RAB27A: variants seen among roughly 807,000 people sequenced by gnomAD.
RAB27A encodes ras-related protein Rab-27A.
In RAB27A, 17 loss-of-function variants were observed where a neutral mutation model predicts 20.8. The observed-to-expected ratio is 0.82, with a 90% CI of 0.56 to 1.23. The LOEUF (loss-of-function observed/expected upper bound fraction) is 1.23. Ranked by LOEUF, RAB27A falls within the 50% of genes most tolerant of loss-of-function variation. The pLI, the probability that RAB27A is intolerant of heterozygous loss-of-function variation, is 0.00. For missense variants in RAB27A, 277 were observed against 266.7 expected, an observed-to-expected ratio of 1.04 and a Z score of -0.27; for synonymous variants, 85 against 92.8, an observed-to-expected ratio of 0.92 and a Z score of 0.48.
intron 1 of RAB27A, among the ~76,000 whole-genome samples, chr15:55,283,462 C>T (rs1243683382): frequency 6.6e-6 from 1 of 152,186 alleles, no homozygotes; most frequent in African/African-American, 2.4e-5. Flanking sequence ...CCACAACCCA[C>T]TTCACTACAC....
At chr15:55,245,464 G>C (rs1445727912) in intron 2 of RAB27A, among the ~76,000 whole-genome samples, 2 of 152,176 alleles carry the variant, frequency 1.3e-5, no homozygotes, top group African/African-American at 4.8e-5. Flanking sequence ...TAAAAGATGA[G>C]TTTGATTTTA....
intron 1 of RAB27A, among the ~76,000 whole-genome samples, chr15:55,277,845 G>A (rs572877096): frequency 6.6e-6 from 1 of 152,176 alleles, no homozygotes; most frequent in Admixed American, 6.5e-5. Context: ...CCAGTTTAGT[G>A]GGGACTGAGT....
chr15:55,226,395 A>G (rs2414404), intron 5 of RAB27A, among the ~76,000 whole-genome samples: 6,838 of 152,116 alleles, frequency 0.045, 521 homozygotes, highest in African/African-American at 0.16. Flanking sequence ...GAGCAAAGGG[A>G]AAGGGGAGGG....
At chr15:55,250,936 G>A (rs1199530148) in intron 2 of RAB27A, among the ~76,000 whole-genome samples, 1 of 152,178 alleles carries the variant, frequency 6.6e-6, no homozygotes, top group Non-Finnish European at 1.5e-5. Flanking sequence ...GCAGCAGAGT[G>A]ATATTCTAAT....
intron 2 of RAB27A, among the ~76,000 whole-genome samples, chr15:55,300,603 C>T (rs546272108): frequency 1.3e-5 from 2 of 152,174 alleles, no homozygotes; most frequent in African/African-American, 2.4e-5. Context: ...CGCTTGAACC[C>T]GGGAGGTGGA....
intron 1 of RAB27A, 88 bp from the exon 2 acceptor site, chr15:55,270,372 C>G (rs1034757127): frequency 2.0e-5 from 3 of 152,156 alleles, no homozygotes; most frequent in Non-Finnish European, 4.4e-5. Flanking sequence ...CAGTTCGCTC[C>G]ATCAACTTTC....
chr15:55,246,585 C>A (rs1896695238), intron 2 of RAB27A, among the ~76,000 whole-genome samples: 1 of 151,008 alleles, frequency 6.6e-6, no homozygotes, highest in Non-Finnish European at 1.5e-5. Context: ...TGACAAGTAC[C>A]CCTTGCTCCA....
chr15:55,248,889 CAT>C (rs1037396430), intron 2 of RAB27A: 3 of 150,880 alleles, frequency 2.0e-5, no homozygotes, highest in Admixed American at 6.5e-5. Context: ...ATTTACAACA[CAT>C]GTTTAAATGT....
At chr15:55,303,839 G>T (rs1374663705) in intron 2 of RAB27A, among the ~76,000 whole-genome samples, 6 of 136,306 alleles carry the variant, frequency 4.4e-5, no homozygotes, top group Non-Finnish European at 9.4e-5. Flanking sequence ...AGGGAGGTGG[G>T]GGGGGTCAGC....
rs368212830 is a variant in RAB27A at position 55,205,078 on chromosome 15, G to A, written c.*429C>T. On this transcript the variant is annotated 3_prime_UTR_variant, in exon 7 of 7. Transcript: ENST00000336787. The stretch of plus-strand genomic sequence containing the variant: ...TATTTTAGAATGTCACCTATGGCAT[G>A]AGTCTTCAAATCTGGATTGAAGACT... 28 of 213,998 alleles carry A rather than the reference G, an allele frequency of 1.3e-4. No homozygotes were observed. The East Asian group carries it at 2.7e-3, about 21-fold the overall frequency. 13.3% of individuals were successfully genotyped at this position (213,998 alleles called of 1,614,324 possible).
intron 2 of RAB27A, among the ~76,000 whole-genome samples, chr15:55,306,785 G>A (rs938532896): frequency 3.9e-5 from 6 of 152,190 alleles, no homozygotes; most frequent in Non-Finnish European, 8.8e-5. Flanking sequence ...CGCTTGGTAA[G>A]GGGAGCTACT....
upstream of RAB27A, among the ~76,000 whole-genome samples, chr15:55,293,224 A>G (rs2054932343): frequency 6.6e-6 from 1 of 152,164 alleles, no homozygotes; most frequent in Non-Finnish European, 1.5e-5. Flanking sequence ...ATGTATGTGT[A>G]TATGTATGTA....
intron 6 of RAB27A, among the ~76,000 whole-genome samples, chr15:55,207,839 C>T (rs925540160): frequency 6.6e-6 from 1 of 152,110 alleles, no homozygotes; most frequent in Non-Finnish European, 1.5e-5. Flanking sequence ...CAGGCCACCA[C>T]TCCCAGCTAA....
chr15:55,287,252 A>G (rs1898181696), intron 1 of RAB27A, among the ~76,000 whole-genome samples: 2 of 152,106 alleles, frequency 1.3e-5, no homozygotes, highest in East Asian at 3.9e-4. Context: ...TATAAGAGAA[A>G]GAATCAAGAG....
intron 2 of RAB27A, among the ~76,000 whole-genome samples, chr15:55,313,637 G>A (rs2055030356): frequency 6.6e-6 from 1 of 152,180 alleles, no homozygotes; most frequent in Non-Finnish European, 1.5e-5. Context: ...ACTATGGGAG[G>A]CCAAGGCAGG....
In RAB27A at chr15:55,262,971, C is replaced by T. The variant is rs185277598; in HGVS notation, c.-23+7194G>A. On this transcript the variant is annotated intron_variant, in intron 2 of 6. Coordinates refer to ENST00000336787, the MANE Select transcript of RAB27A (RefSeq NM_183235.3). ...TTCATCTATCCTAGTTTGCTAAGTA[C>T]GAGTATTATGAATGGGTGTCAACTT... is the stretch of plus-strand genomic sequence containing the variant. Among the ~76,000 whole-genome samples, 6 of 152,256 alleles carry T rather than the reference C, an allele frequency of 3.9e-5. No individual in the cohort carries two copies. In the East Asian group the frequency reaches 5.8e-4, roughly 15 times the overall value.
intron 6 of RAB27A, among the ~76,000 whole-genome samples, chr15:55,215,959 A>G (rs1203587314): frequency 6.6e-6 from 1 of 151,262 alleles, no homozygotes; most frequent in African/African-American, 2.4e-5. Flanking sequence ...AAAAAAAAAA[A>G]AAAAAAAAAG....
At chr15:55,272,422 A>G (rs1479430813) in intron 1 of RAB27A, among the ~76,000 whole-genome samples, 1 of 152,018 alleles carries the variant, frequency 6.6e-6, no homozygotes, top group Non-Finnish European at 1.5e-5. Context: ...CAAACAAAAA[A>G]AATCCTGTAG....
At chr15:55,209,094 C>G (rs767109988) in intron 6 of RAB27A, among the ~76,000 whole-genome samples, 43 of 152,132 alleles carry the variant, frequency 2.8e-4, no homozygotes, top group African/African-American at 9.4e-4. Flanking sequence ...GATAAGTATA[C>G]TTGGGATTGC....
Sources: allele counts gnomAD v4.1 joint callset (sites outside exome capture counted in the v4.1 genomes callset), GRCh38; gene constraint gnomAD v4.1.1; transcripts MANE v1.5; gene names NCBI Gene and HGNC (gene_info 2026-07-23, HGNC 2026-07-21).